EPN2: variants seen among roughly 807,000 people sequenced by gnomAD.
EPN2 encodes epsin-2.
In EPN2, 34 loss-of-function variants were observed where a neutral mutation model predicts 61.7. The ratio of observed to expected loss-of-function variants is 0.55; its 90% CI spans 0.42 to 0.73. The LOEUF (loss-of-function observed/expected upper bound fraction) is 0.73, where lower values mean the gene tolerates loss of function less well. EPN2 is among the 30% of genes least tolerant of loss of function. The pLI, the probability that EPN2 is intolerant of heterozygous loss-of-function variation, is 0.00. For missense variants in EPN2, 714 were observed against 839.2 expected, an observed-to-expected ratio of 0.85 and a Z score of 1.84; for synonymous variants, 349 against 353.6, an observed-to-expected ratio of 0.99 and a Z score of 0.15.
intron 1 of EPN2, among the ~76,000 whole-genome samples, chr17:19,281,100 G>A (rs1394003873): frequency 6.6e-6 from 1 of 152,176 alleles, no homozygotes; most frequent in African/African-American, 2.4e-5. Flanking sequence ...AGGAACCTTT[G>A]TGTGTTCAGC....
intron 4 of EPN2, among the ~76,000 whole-genome samples, chr17:19,298,084 C>T (rs1334544568): frequency 1.3e-5 from 2 of 151,982 alleles, no homozygotes; most frequent in African/African-American, 4.8e-5. Flanking sequence ...CCATATTGGC[C>T]AGACTGGTCT....
chr17:19,298,001 G>C (rs1183502795), intron 4 of EPN2, among the ~76,000 whole-genome samples: 1 of 151,954 alleles, frequency 6.6e-6, no homozygotes, highest in African/African-American at 2.4e-5. Flanking sequence ...CCAGCCTCCC[G>C]AGTAGCTGGG....
chr17:19,332,184 A>G lies in EPN2; in HGVS notation c.1627+116A>G, dbSNP rs1205282454. The G allele has an allele frequency of 5.1e-6, 4 of 778,878 alleles. No homozygotes were observed. In the African/African-American group the frequency reaches 6.9e-5, roughly 13 times the overall value. The allele number at this position is 778,878 out of a possible 1,614,324, so 48.2% of individuals were successfully genotyped here. ...CGGGGAAGGGGTGGGACTAGCTGGA[A>G]TCTCTAGATGATTACGTATGCCCTC... On this transcript the variant is annotated intron_variant, in intron 10 of 10. Coordinates refer to ENST00000314728, the MANE Select transcript of EPN2 (RefSeq NM_014964.5).
At chr17:19,247,465 G>C (rs1453435813) in intron 1 of EPN2, among the ~76,000 whole-genome samples, 1 of 152,228 alleles carries the variant, frequency 6.6e-6, no homozygotes, top group African/African-American at 2.4e-5. Flanking sequence ...GATTTGAGCT[G>C]GACCTTGAAG....
At chr17:19,266,379 T>G (rs2045197369) in intron 1 of EPN2, among the ~76,000 whole-genome samples, 1 of 151,846 alleles carries the variant, frequency 6.6e-6, no homozygotes, top group Non-Finnish European at 1.5e-5. Context: ...CCCATAGATG[T>G]CCATCTCAAC....
chr17:19,312,612 GC>G (rs1386256057), intron 6 of EPN2, among the ~76,000 whole-genome samples: 1 of 152,186 alleles, frequency 6.6e-6, no homozygotes, highest in Non-Finnish European at 1.5e-5. Context: ...TACACCACAG[GC>G]CCCGGGGCTC....
chr17:19,313,191 C>G lies in EPN2; in HGVS notation c.1059C>G (p.Pro353=). Residue 353 remains proline, a synonymous_variant, in exon 7 of 11, where the codon CCC becomes CCG. Coordinates refer to ENST00000314728, the MANE Select transcript of EPN2 (RefSeq NM_014964.5). ...SSGPAAQKAE[P]WGPSASTNQT... Reference sequence around the variant, plus strand: ...GCCCCGCGGCCCAGAAAGCAGAGCCCTGGGGCCCGTCAGCCTCCACTAACC... The same window carrying G: ...GCCCCGCGGCCCAGAAAGCAGAGCCGTGGGGCCCGTCAGCCTCCACTAACC... 1 of 1,612,850 alleles carries G rather than the reference C, an allele frequency of 6.2e-7. No homozygotes were observed.
intron 1 of EPN2, among the ~76,000 whole-genome samples, chr17:19,239,868 C>T (rs186519188): frequency 1.3e-5 from 2 of 152,286 alleles, no homozygotes; most frequent in East Asian, 3.9e-4. Flanking sequence ...TGAAAAATGA[C>T]CCAACCTTTG....
In EPN2 at chr17:19,283,035, T is replaced by C; in HGVS notation, c.-85T>C. ...CTTACTCCAGCTTGATTACGGAGAC[T>C]GAACCTTCATAGGGTGCGCACTTAC... On this transcript the variant is annotated 5_prime_UTR_variant, in exon 3 of 11. Transcript: ENST00000314728. The surrounding 1 kb of genome is among the most constrained non-coding windows in gnomAD (Gnocchi z 7.0). 1.1e-6 allele frequency: 1 copy of C among 927,556 alleles called. No homozygotes were observed. The allele number at this position is 927,556 out of a possible 1,614,324, so 57.5% of individuals were successfully genotyped here.
At chr17:19,254,560 A>C (rs1382422672) in intron 1 of EPN2, among the ~76,000 whole-genome samples, 1 of 152,046 alleles carries the variant, frequency 6.6e-6, no homozygotes, top group Non-Finnish European at 1.5e-5. Context: ...AAAAACAAAA[A>C]CAAAAACAGA....
At chr17:19,312,407 T>C (rs1466955309) in intron 6 of EPN2, among the ~76,000 whole-genome samples, 4 of 152,232 alleles carry the variant, frequency 2.6e-5, no homozygotes, top group African/African-American at 4.8e-5. Context: ...CTCCTGCCGC[T>C]GTGGCTACGG....
chr17:19,318,549 CAAAAA>C (rs58660254), intron 7 of EPN2, among the ~76,000 whole-genome samples: 4 of 24,770 alleles, frequency 1.6e-4, no homozygotes, highest in Non-Finnish European at 4.2e-4. Context: ...GACTCCATCT[CAAAAA>C]AAAAAAAAAA....
chr17:19,334,081 G>C lies in EPN2; in HGVS notation c.1753G>C (p.Val585Leu), dbSNP rs1305749752. The C allele has an allele frequency of 6.2e-7, 1 of 1,609,852 alleles. No homozygotes were observed. Among genetic ancestry groups the C allele is most frequent in the African/African-American group, 1.3e-5 (1 of 74,838 alleles). The change falls in exon 11 of 11, where the codon GTG becomes CTG. Residue 585 changes from valine to leucine, a missense_variant. Physicochemically the swap from Val to Leu is conservative, Grantham distance 32 (BLOSUM62 1). This residue lies in a region of EPN2 where 410 missense variants were observed against 421.8 expected (regional missense o/e 0.97). Coordinates refer to ENST00000314728, the MANE Select transcript of EPN2 (RefSeq NM_014964.5). The surrounding 1 kb of genome is among the most constrained non-coding windows in gnomAD (Gnocchi z 4.9). ...CACATCCTTTGGGCCTGGCCCAGGAGTGGAGTCCATGGCTGTGGCCTCGAT... is the reference window on the plus strand; with the variant it reads ...CACATCCTTTGGGCCTGGCCCAGGACTGGAGTCCATGGCTGTGGCCTCGAT... ...TSTSFGPGPGVESMAVASMTS... is the reference protein window; with the variant it reads ...TSTSFGPGPGLESMAVASMTS...
intron 5 of EPN2, among the ~76,000 whole-genome samples, chr17:19,310,549 CT>C (rs1906074332): frequency 8.2e-6 from 1 of 121,658 alleles, no homozygotes; most frequent in South Asian, 2.7e-4. Context: ...CTTTTCTTTT[CT>C]TTCTCTCTTT....
chr17:19,289,459 T>A (rs1471465904), intron 4 of EPN2, among the ~76,000 whole-genome samples: 1 of 151,992 alleles, frequency 6.6e-6, no homozygotes, highest in Non-Finnish European at 1.5e-5. Context: ...GAGCTGAGGA[T>A]GACTCTGAGG....
intron 1 of EPN2, among the ~76,000 whole-genome samples, chr17:19,271,003 G>A (rs1419551716): frequency 6.6e-6 from 1 of 152,208 alleles, no homozygotes; most frequent in Non-Finnish European, 1.5e-5. Context: ...GCCTCAAGGT[G>A]TGAACTCTGG....
intron 1 of EPN2, among the ~76,000 whole-genome samples, chr17:19,254,648 G>A (rs2045054765): frequency 6.6e-6 from 1 of 152,236 alleles, no homozygotes; most frequent in Non-Finnish European, 1.5e-5. Context: ...CATTAGTCCT[G>A]CTTAACAGAC....
chr17:19,310,571 C>CTTTTTTTTTTTTTTTTT (rs71155391), intron 5 of EPN2, among the ~76,000 whole-genome samples: 10 of 80,910 alleles, frequency 1.2e-4, no homozygotes, highest in Non-Finnish European at 1.3e-4. Flanking sequence ...CTCCTTCTTT[C>CTTTTTTTTTTTTTTTTT]TTTTTTTTTT....
At chr17:19,248,681 G>A (rs2044979611) in intron 1 of EPN2, among the ~76,000 whole-genome samples, 2 of 152,142 alleles carry the variant, frequency 1.3e-5, no homozygotes, top group South Asian at 4.1e-4. Flanking sequence ...AATGCTTATT[G>A]AGCACATATG....
Sources: allele counts gnomAD v4.1 joint callset (sites outside exome capture counted in the v4.1 genomes callset), GRCh38; gene constraint gnomAD v4.1.1; regional missense constraint gnomAD v4.1.1; non-coding constraint Gnocchi (gnomAD v3.1); transcripts MANE v1.5; gene names NCBI Gene and HGNC (gene_info 2026-07-23, HGNC 2026-07-21).